KCNH8: variants seen among roughly 807,000 people sequenced by gnomAD.
KCNH8 encodes voltage-gated delayed rectifier potassium channel KCNH8.
Under a neutral mutation model 103.6 loss-of-function variants are expected in KCNH8, and 70 were observed. That is an observed-to-expected ratio of 0.68 (90% confidence interval 0.56 to 0.82). The LOEUF (loss-of-function observed/expected upper bound fraction) is 0.82, where lower values mean the gene tolerates loss of function less well. Ranked by LOEUF, KCNH8 falls within the 40% of genes least tolerant of loss-of-function variation. The pLI is 0.00. For synonymous variants in KCNH8, 498 were observed against 489.4 expected (o/e 1.02, Z -0.23); for missense variants, 1,217 against 1,329.9 (o/e 0.92, Z 1.32).
intron 1 of KCNH8, among the ~76,000 whole-genome samples, chr3:19,201,671 C>T (rs569766023): frequency 4.3e-4 from 65 of 152,178 alleles, no homozygotes; most frequent in Middle Eastern, 3.4e-3. Flanking sequence ...GGGCCCCCCA[C>T]CTTTATTTAA....
chr3:19,221,307 GC>G (rs1425754426), intron 1 of KCNH8, among the ~76,000 whole-genome samples: 4 of 152,186 alleles, frequency 2.6e-5, no homozygotes, highest in African/African-American at 9.7e-5. Context: ...CTGAGATTTT[GC>G]CCCAGGTTGG....
intron 11 of KCNH8, among the ~76,000 whole-genome samples, chr3:19,498,762 G>A (rs1262703441): frequency 6.6e-6 from 1 of 152,102 alleles, no homozygotes; most frequent in Non-Finnish European, 1.5e-5. Context: ...GTTTTTTGGT[G>A]TGGATGTCCT....
chr3:19,382,628 C>G (rs1195171239), intron 5 of KCNH8, among the ~76,000 whole-genome samples: 1 of 152,010 alleles, frequency 6.6e-6, no homozygotes, highest in South Asian at 2.1e-4. Context: ...TGACCCTGTT[C>G]GTCAGTTTTG....
chr3:19,405,915 T>C (rs1045089461), intron 7 of KCNH8, among the ~76,000 whole-genome samples: 17 of 152,180 alleles, frequency 1.1e-4, no homozygotes, highest in African/African-American at 3.8e-4. Context: ...TAATATGTCA[T>C]ATATAAATGA....
intron 3 of KCNH8, among the ~76,000 whole-genome samples, chr3:19,302,855 T>C (rs1194912875): frequency 6.6e-6 from 1 of 152,232 alleles, no homozygotes; most frequent in Non-Finnish European, 1.5e-5. Context: ...AAAGAATAGC[T>C]TTTAAGTGTC....
chr3:19,330,821 T>G (rs2065494992), intron 3 of KCNH8, among the ~76,000 whole-genome samples: 1 of 152,204 alleles, frequency 6.6e-6, no homozygotes, highest in South Asian at 2.1e-4. Flanking sequence ...TTATTTAAAT[T>G]TAGAGGATCA....
At chr3:19,460,166 T>C (rs1297153313) in intron 11 of KCNH8, among the ~76,000 whole-genome samples, 2 of 152,130 alleles carry the variant, frequency 1.3e-5, no homozygotes, top group African/African-American at 2.4e-5. Flanking sequence ...ATTTTAGGCT[T>C]TGTTAAGGTG....
intron 8 of KCNH8, among the ~76,000 whole-genome samples, chr3:19,442,157 T>G (rs1385776764): frequency 6.6e-6 from 1 of 152,188 alleles, no homozygotes; most frequent in Non-Finnish European, 1.5e-5. Flanking sequence ...GGAATTCTCA[T>G]TTTCTGAAGA....
At chr3:19,386,741 A>C (rs2066362607) in intron 5 of KCNH8, among the ~76,000 whole-genome samples, 1 of 152,148 alleles carries the variant, frequency 6.6e-6, no homozygotes. Flanking sequence ...CTAAAAATGA[A>C]AGTTATACTG....
At chr3:19,294,864 G>C (rs998051642) in intron 3 of KCNH8, among the ~76,000 whole-genome samples, 1 of 152,106 alleles carries the variant, frequency 6.6e-6, no homozygotes, top group African/African-American at 2.4e-5. Flanking sequence ...AATATCTGCA[G>C]CCAGTCAAAA....
chr3:19,466,065 CG>C (rs1232229217), intron 11 of KCNH8, among the ~76,000 whole-genome samples: 3 of 151,918 alleles, frequency 2.0e-5, no homozygotes, highest in African/African-American at 7.3e-5. Flanking sequence ...CTCCCATGCA[CG>C]GGCATGCACC....
intron 12 of KCNH8, among the ~76,000 whole-genome samples, chr3:19,511,139 C>T (rs1243540999): frequency 3.3e-5 from 5 of 150,984 alleles, no homozygotes; most frequent in Non-Finnish European, 7.4e-5. Context: ...TGTTATCCCT[C>T]CCCTAGCCCC....
intron 1 of KCNH8, among the ~76,000 whole-genome samples, chr3:19,240,784 A>C (rs574171627): frequency 5.3e-5 from 8 of 152,160 alleles, no homozygotes; most frequent in African/African-American, 1.9e-4. Flanking sequence ...CTGCCTTTCT[A>C]GTTATTAAGG....
At chr3:19,450,714 G>A (rs564632379) in intron 9 of KCNH8, 18 of 276,940 alleles carry the variant, frequency 6.5e-5, no homozygotes, top group Non-Finnish European at 1.2e-4. Flanking sequence ...ACCCCAGACT[G>A]CCACTATAAA....
intron 1 of KCNH8, among the ~76,000 whole-genome samples, chr3:19,246,945 G>A (rs968576720): frequency 6.6e-6 from 1 of 152,170 alleles, no homozygotes; most frequent in Non-Finnish European, 1.5e-5. Context: ...ACTGAAGGGA[G>A]CAAGATAGTC....
At chr3:19,194,499 G>A (rs1453868510) in intron 1 of KCNH8, among the ~76,000 whole-genome samples, 1 of 151,806 alleles carries the variant, frequency 6.6e-6, no homozygotes, top group Non-Finnish European at 1.5e-5. Flanking sequence ...TGAAAGAAGT[G>A]CTTATTATGG....
chr3:19,289,821 A>G (rs531683383), intron 3 of KCNH8, among the ~76,000 whole-genome samples: 162 of 152,292 alleles, frequency 1.1e-3, no homozygotes, highest in Middle Eastern at 3.4e-3. Context: ...CACTGAATCT[A>G]TAAATTACCT....
At chr3:19,521,041 T>C (rs1475357273) in intron 15 of KCNH8, among the ~76,000 whole-genome samples, 1 of 152,000 alleles carries the variant, frequency 6.6e-6, no homozygotes, top group Admixed American at 6.6e-5. Context: ...CAGCATAGTA[T>C]GAAATAGTGC....
chr3:19,435,777 A>C (rs2067190226), intron 7 of KCNH8, among the ~76,000 whole-genome samples: 3 of 152,166 alleles, frequency 2.0e-5, no homozygotes, highest in Non-Finnish European at 4.4e-5. Context: ...GAGATTCTCC[A>C]TAGTTTTTCA....
Sources: gnomAD v4.1 joint callset for allele counts (sites outside exome capture counted in the v4.1 genomes callset) on GRCh38, gnomAD v4.1.1 for gene constraint, MANE v1.5 for transcripts, NCBI Gene and HGNC (gene_info 2026-07-23, HGNC 2026-07-21) for gene names.